Variants in DOCK9 observed in about 807,000 individuals in gnomAD.
DOCK9 encodes the protein dedicator of cytokinesis protein 9.
In DOCK9, 89 loss-of-function variants were observed where a neutral mutation model predicts 263.3. That is an observed-to-expected ratio of 0.34 (90% CI 0.28 to 0.40). DOCK9 has a LOEUF of 0.40. Among genes scored for constraint, DOCK9 ranks in the 10% least tolerant of loss-of-function variants. DOCK9 has a pLI of 1.00. For missense variants in DOCK9, 2,140 were observed against 2,603.4 expected, an observed-to-expected ratio of 0.82 and a Z score of 3.87; for synonymous variants, 976 against 973.1, an observed-to-expected ratio of 1.00 and a Z score of -0.06.
intron 13 of DOCK9, among the ~76,000 whole-genome samples, chr13:98,899,494 T>C (rs955970808): frequency 6.6e-6 from 1 of 152,166 alleles, no homozygotes; most frequent in African/African-American, 2.4e-5. Context: ...ACCTGGAAAA[T>C]ACATCCTAAT....
At chr13:98,899,736 A>C (rs1595116345) in intron 13 of DOCK9, among the ~76,000 whole-genome samples, 1 of 152,366 alleles carries the variant, frequency 6.6e-6, no homozygotes, top group South Asian at 2.1e-4. Flanking sequence ...ATAAAATTTA[A>C]AGCTAAAACA....
rs1381095977 is a variant in DOCK9, at chr13:98,846,038, T to C, written c.4084A>G (p.Ile1362Val). The change falls in exon 38 of 53, where the codon ATA becomes GTA. Residue 1362 changes from isoleucine to valine, a missense_variant. By Grantham distance (29) the Ile-to-Val change is conservative. Coordinates refer to ENST00000682017, the MANE Select transcript of DOCK9 (RefSeq NM_001366683.2). Reference sequence around the variant, plus strand: ...GTCTGAGACTTTCGATCATGAACTATGGGTCCCAACCCCTCCTGGTTCCTG... The same window carrying C: ...GTCTGAGACTTTCGATCATGAACTACGGGTCCCAACCCCTCCTGGTTCCTG... ...IARNQEGLGP[I>V]VHDRKSQTLP... 4.4e-6 allele frequency: 7 copies of C among 1,588,138 alleles called. No individual in the cohort carries two copies. The highest frequency in any genetic ancestry group is 1.8e-5 in the Admixed American group (1 of 55,782).
intron 32 of DOCK9, among the ~76,000 whole-genome samples, chr13:98,860,777 T>C (rs2093843422): frequency 1.3e-5 from 2 of 152,272 alleles, no homozygotes; most frequent in South Asian, 4.1e-4. Context: ...GTCTTGTTTC[T>C]CTTTCCCCAG....
At chr13:98,994,506 C>T (rs1352299484) in intron 1 of DOCK9, among the ~76,000 whole-genome samples, 1 of 152,198 alleles carries the variant, frequency 6.6e-6, no homozygotes, top group Admixed American at 6.5e-5. Flanking sequence ...AAATGCAGCA[C>T]CAATCCTACC....
chr13:99,047,457 T>G (rs1424720417), intron 1 of DOCK9, among the ~76,000 whole-genome samples: 1 of 152,088 alleles, frequency 6.6e-6, no homozygotes, highest in Non-Finnish European at 1.5e-5. Context: ...TTTTCACTCC[T>G]TAGGTGTTGT....
At chr13:98,810,065 C>G in intron 46 of DOCK9, 104 bp downstream of exon 46, 1 of 1,517,856 alleles carries the variant, frequency 6.6e-7, no homozygotes, top group Non-Finnish European at 9.0e-7. Flanking sequence ...CCCCACTCAT[C>G]TCTGGCCCAT....
chr13:98,992,309 T>A (rs987592995), intron 1 of DOCK9, among the ~76,000 whole-genome samples: 25 of 152,098 alleles, frequency 1.6e-4, no homozygotes, highest in African/African-American at 5.6e-4. Context: ...CTTCTGACCC[T>A]CTCAGAAGAC....
chr13:98,997,173 C>T (rs1881247562), intron 1 of DOCK9, among the ~76,000 whole-genome samples: 2 of 152,334 alleles, frequency 1.3e-5, no homozygotes, highest in Admixed American at 6.5e-5. Context: ...CACGCCGCTT[C>T]GCAGGGCACC....
intron 1 of DOCK9, among the ~76,000 whole-genome samples, chr13:99,000,147 A>G (rs1419425185): frequency 6.6e-6 from 1 of 152,144 alleles, no homozygotes; most frequent in Admixed American, 6.5e-5. Flanking sequence ...CTGGGAGAAA[A>G]TACACGCAGA....
chr13:98,983,439 C>A (rs749254068), intron 1 of DOCK9, among the ~76,000 whole-genome samples: 68 of 151,942 alleles, frequency 4.5e-4, no homozygotes, highest in Non-Finnish European at 2.2e-4. Context: ...GGGAGTGAGG[C>A]AGGAAAGAGC....
intron 47 of DOCK9, 72 bp downstream of exon 47, chr13:98,809,275 ATAGTT>A: frequency 1.6e-6 from 2 of 1,273,532 alleles, no homozygotes; most frequent in Non-Finnish European, 2.2e-6. Context: ...TAACTTTATT[ATAGTT>A]TTTTTTTTGT....
chr13:98,953,045 C>T (rs965761922), intron 2 of DOCK9, among the ~76,000 whole-genome samples: 1 of 152,184 alleles, frequency 6.6e-6, no homozygotes, highest in Admixed American at 6.5e-5. Context: ...ATCTGTGGCA[C>T]TGTTAAGACC....
chr13:98,903,963 G>A (rs946157714), intron 10 of DOCK9, among the ~76,000 whole-genome samples: 1 of 152,224 alleles, frequency 6.6e-6, no homozygotes, highest in Non-Finnish European at 1.5e-5. Context: ...GTTACTAGGG[G>A]ATGGGGGAAG....
chr13:98,827,762 A>C (rs994947224), intron 43 of DOCK9, among the ~76,000 whole-genome samples: 7 of 152,232 alleles, frequency 4.6e-5, no homozygotes, highest in Non-Finnish European at 8.8e-5. Context: ...AAGCAGGGTC[A>C]CATGCACTGA....
chr13:98,921,929 G>A, intron 6 of DOCK9, 122 bp downstream of exon 6: 1 of 865,224 alleles, frequency 1.2e-6, no homozygotes. Context: ...AGCATCCTAG[G>A]AATCAGACAA....
intron 52 of DOCK9, among the ~76,000 whole-genome samples, chr13:98,796,399 T>C (rs2089412034): frequency 6.6e-6 from 1 of 152,102 alleles, no homozygotes; most frequent in African/African-American, 2.4e-5. Context: ...AGCAGTTCTG[T>C]GTTATCAAGG....
At chr13:99,030,109 G>C (rs1257931750) in intron 1 of DOCK9, among the ~76,000 whole-genome samples, 2 of 152,168 alleles carry the variant, frequency 1.3e-5, no homozygotes, top group Non-Finnish European at 2.9e-5. Context: ...CTGGAGTTGG[G>C]GGTACAGAGA....
intron 1 of DOCK9, among the ~76,000 whole-genome samples, chr13:99,006,018 A>C (rs568702109): frequency 5.1e-4 from 77 of 152,368 alleles, no homozygotes; most frequent in Middle Eastern, 6.8e-3. Flanking sequence ...CTAAGCATAA[A>C]GGTAATGGAA....
chr13:99,010,935 TCGCC>T (rs1884365794), intron 1 of DOCK9, among the ~76,000 whole-genome samples: 1 of 152,250 alleles, frequency 6.6e-6, no homozygotes, highest in South Asian at 2.1e-4. Flanking sequence ...TCTCACTCAG[TCGCC>T]CAGGCCGGAG....
Sources: gnomAD v4.1 joint callset for allele counts (sites outside exome capture counted in the v4.1 genomes callset) on GRCh38, gnomAD v4.1.1 for gene constraint, MANE v1.5 for transcripts, NCBI Gene and HGNC (gene_info 2026-07-23, HGNC 2026-07-21) for gene names.